The following GSR variants were observed in gnomAD, a reference collection of about 807,000 sequenced individuals.
The protein encoded by GSR is glutathione reductase, mitochondrial.
Under a neutral mutation model 56.5 loss-of-function variants are expected in GSR, and 48 were observed. The observed-to-expected ratio is 0.85, with a 90% CI of 0.67 to 1.08. GSR has a LOEUF of 1.08. Ranked by LOEUF, GSR falls within the 50% of genes least tolerant of loss-of-function variation. GSR has a pLI of 0.00. For synonymous variants in GSR, 264 were observed against 270.8 expected, an observed-to-expected ratio of 0.97 and a Z score of 0.25; for missense variants, 694 against 703.3, an observed-to-expected ratio of 0.99 and a Z score of 0.15.
intron 8 of GSR, among the ~76,000 whole-genome samples, chr8:30,692,441 C>G (rs1803417028): frequency 6.7e-6 from 1 of 148,512 alleles, no homozygotes; most frequent in Non-Finnish European, 1.5e-5. Flanking sequence ...GGTGATCCGC[C>G]TGCCTCGACC....
intron 2 of GSR, among the ~76,000 whole-genome samples, chr8:30,711,350 T>A (rs1046997305): frequency 1.5e-4 from 23 of 152,178 alleles, no homozygotes; most frequent in Non-Finnish European, 2.5e-4. Flanking sequence ...TGCTGTTTTT[T>A]CCTCTTTGTC....
At chr8:30,697,754 A>G (rs1803599272) in intron 6 of GSR, among the ~76,000 whole-genome samples, 1 of 152,156 alleles carries the variant, frequency 6.6e-6, no homozygotes, top group Non-Finnish European at 1.5e-5. Context: ...ATATCTCCCT[A>G]TGTTGCCCAG....
intron 5 of GSR, among the ~76,000 whole-genome samples, chr8:30,700,979 G>A (rs75916910): frequency 2.6e-5 from 4 of 152,078 alleles, no homozygotes; most frequent in African/African-American, 7.2e-5. Flanking sequence ...TAACTATCTC[G>A]CCACACAATT....
intron 1 of GSR, among the ~76,000 whole-genome samples, chr8:30,720,765 A>G (rs16877292): frequency 0.097 from 14,733 of 152,210 alleles, 2,204 homozygotes; most frequent in African/African-American, 0.32. Flanking sequence ...TTTTTGTTCA[A>G]TTCTTAGCTA....
Position 30,686,641 on chromosome 8 carries a change from G to A in GSR, c.1042-2442C>T, listed in dbSNP as rs192375193. ...GTTTGATGCTGCAAGGATGCAGTGA[G>A]CCATGATGGCACCACTGTACTCCAG... On this transcript the variant is annotated intron_variant, in intron 9 of 12. Transcript: ENST00000221130. Among the ~76,000 whole-genome samples the A allele has an allele frequency of 1.4e-3, 212 of 152,180 alleles. 1 individual carries two copies. The highest frequency in any genetic ancestry group is 1.3e-3 in the Non-Finnish European group (88 of 68,008).
At chr8:30,689,456 A>G (rs1281032158) in intron 8 of GSR, 137 bp from the exon 9 acceptor site, 2 of 771,392 alleles carry the variant, frequency 2.6e-6, no homozygotes, top group African/African-American at 3.4e-5. Context: ...AAAGATAGAC[A>G]TAAACTTTTA....
At chr8:30,707,636 G>C (rs969187502) in intron 4 of GSR, among the ~76,000 whole-genome samples, 1 of 152,132 alleles carries the variant, frequency 6.6e-6, no homozygotes, top group African/African-American at 2.4e-5. Flanking sequence ...CTCCAGCCTG[G>C]CGACAGATAG....
At chr8:30,713,651 G>A (rs1175711572) in intron 1 of GSR, among the ~76,000 whole-genome samples, 1 of 152,058 alleles carries the variant, frequency 6.6e-6, no homozygotes, top group South Asian at 2.1e-4. Context: ...GAGCCACCAC[G>A]CCCAGACGAA....
At chr8:30,691,944 C>CA (rs1280038193) in intron 8 of GSR, among the ~76,000 whole-genome samples, 1 of 151,026 alleles carries the variant, frequency 6.6e-6, no homozygotes, top group African/African-American at 2.4e-5. Flanking sequence ...ACAAAAAATA[C>CA]AAAAAAATTA....
rs768294271 is a variant in GSR at position 30,712,120 on chromosome 8, A to G, written c.307-32T>C. 5 of 1,272,410 alleles carry G rather than the reference A, an allele frequency of 3.9e-6. No homozygotes were observed. In the South Asian group the frequency reaches 6.3e-5, roughly 16 times the overall value. The allele number at this position is 1,272,410 out of a possible 1,614,324, so 78.8% of individuals were successfully genotyped here. On this transcript the variant is annotated intron_variant, in intron 1 of 12. Coordinates refer to ENST00000221130, the MANE Select transcript of GSR (RefSeq NM_000637.5). ...AAAAAAAAAAGAGACACACTTTAAG[A>G]ATATTGAATTCAAACCATCAAACGA...
At position 30,702,274 on chromosome 8, in the gene GSR, T is replaced by G. The variant is rs533912749; in HGVS notation, c.640+819A>C. Among the ~76,000 whole-genome samples the G allele has an allele frequency of 2.7e-5, 4 of 149,902 alleles. No individual in the cohort carries two copies. In the South Asian group the frequency reaches 6.4e-4, roughly 24 times the overall value. On this transcript the variant is annotated intron_variant, in intron 5 of 12. Transcript: ENST00000221130. ...GGTGGAGGTTGCAGTGAGCTGAGGT[T>G]GTGCCACTGCACTCCAGCCTGGGTG...
At chr8:30,720,672 A>AAG (rs869154628) in intron 1 of GSR, among the ~76,000 whole-genome samples, 1 of 17,026 alleles carries the variant, frequency 5.9e-5, no homozygotes, top group Non-Finnish European at 3.7e-3. Context: ...AGAAAAAGAG[A>AAG]AAAAAAAAAG....
intron 9 of GSR, among the ~76,000 whole-genome samples, chr8:30,687,954 C>T (rs1803218918): frequency 6.6e-6 from 1 of 152,156 alleles, no homozygotes; most frequent in Admixed American, 6.6e-5. Context: ...TTGCTCAAAG[C>T]CATGCAACTG....
Position 30,682,059 on chromosome 8 carries a change from C to T in GSR, c.1156G>A (p.Ala386Thr), listed in dbSNP as rs756106824. Residue 386 changes from alanine to threonine, a missense_variant and splice_region_variant, in exon 11 of 13, where the codon GCA becomes ACA. Ala to Thr is a moderately conservative substitution (Grantham distance 58, BLOSUM62 0). Coordinates refer to ENST00000221130, the MANE Select transcript of GSR (RefSeq NM_000637.5). ...VCGKALLTPV[A>T]IAAGRKLAHR... is the part of the protein sequence containing the mutation. ...GCAAGTTTTCGGCCAGCAGCTATTGCAACTATGGAGATATTTTAAAATCAG... is the reference window on the plus strand; with the variant it reads ...GCAAGTTTTCGGCCAGCAGCTATTGTAACTATGGAGATATTTTAAAATCAG... 6.2e-7 allele frequency: 1 copy of T among 1,611,890 alleles called. No individual in the cohort carries two copies. The highest frequency in any genetic ancestry group is 1.7e-5 in the Admixed American group (1 of 59,992).
chr8:30,727,587 C>A lies in GSR; in HGVS notation c.249G>T (p.Ala83=). The A allele has an allele frequency of 6.5e-7, 1 of 1,530,270 alleles. No individual in the cohort carries two copies. The highest frequency in any genetic ancestry group is 8.7e-7 in the Non-Finnish European group (1 of 1,143,312). The allele number at this position is 1,530,270 out of a possible 1,614,324, so 94.8% of individuals were successfully genotyped here. ...CGGCGGCCCTGGCACCCAGCTCGGC[C>A]GCCCTGCGCGCGCTGGCCAGCCCGC... ...GSGGLASARR[A]AELGARAAVV... Residue 83 remains alanine (A), a synonymous_variant, in exon 1 of 13, where the codon GCG becomes GCT. Transcript: ENST00000221130.
In GSR at chr8:30,681,996, C is replaced by G; in HGVS notation, c.1219G>C (p.Asp407His). 1 of 1,613,356 alleles carries G rather than the reference C, an allele frequency of 6.2e-7. No homozygotes were observed. The highest frequency in any genetic ancestry group is 8.5e-7 in the Non-Finnish European group (1 of 1,179,284). The change falls in exon 11 of 13, where the codon GAT becomes CAT. Residue 407 changes from aspartate (D) to histidine (H), a missense_variant. Physicochemically the swap from Asp to His is moderately conservative, Grantham distance 81. Coordinates refer to ENST00000221130, the MANE Select transcript of GSR (RefSeq NM_000637.5). ...LFEYKEDSKL[D>H]YNNIPTVVFS... ...ACCACAGTTGGGATGTTGTTATAAT[C>G]TAATTTGGAATCTTCCTTATATTCA...
At chr8:30,727,425 G>T in intron 1 of GSR, 105 bp downstream of exon 1, 1 of 1,132,906 alleles carries the variant, frequency 8.8e-7, no homozygotes, top group Non-Finnish European at 1.2e-6. Flanking sequence ...AAAGAGGAAA[G>T]CCCAGCGCCG....
intron 6 of GSR, among the ~76,000 whole-genome samples, chr8:30,697,450 C>A (rs1027052180): frequency 6.7e-6 from 1 of 149,718 alleles, no homozygotes; most frequent in African/African-American, 2.5e-5. Context: ...AACAAACAAA[C>A]AAAAAACCCC....
chr8:30,712,312 A>C (rs552350294), intron 1 of GSR, among the ~76,000 whole-genome samples: 1 of 152,210 alleles, frequency 6.6e-6, no homozygotes, highest in East Asian at 1.9e-4. Context: ...TCTTGGACGG[A>C]GAAAGAACAA....
Sources: gnomAD v4.1 joint callset for allele counts (sites outside exome capture counted in the v4.1 genomes callset) on GRCh38, gnomAD v4.1.1 for gene constraint, MANE v1.5 for transcripts, NCBI Gene and HGNC (gene_info 2026-07-23, HGNC 2026-07-21) for gene names.